The following TNXB variants were observed in gnomAD, a reference collection of about 807,000 sequenced individuals.
The protein encoded by TNXB is tenascin XB.
TNXB carries 183 observed loss-of-function variants against 340.5 expected under a neutral mutation model. The ratio of observed to expected loss-of-function variants is 0.54; its 90% CI spans 0.48 to 0.61. The LOEUF (loss-of-function observed/expected upper bound fraction) is 0.61. Among genes scored for constraint, TNXB ranks in the 20% least tolerant of loss-of-function variants. The pLI, the probability that TNXB is intolerant of heterozygous loss-of-function variation, is 0.00. For missense variants in TNXB, 4,613 were observed against 5,446.4 expected (o/e 0.85, Z 4.82); for synonymous variants, 2,121 against 2,314.5 (o/e 0.92, Z 2.40).
At position 32,080,052 on chromosome 6, in the gene TNXB, G is replaced by A. The variant is rs1366466121; in HGVS notation, c.4043-687C>T. The stretch of plus-strand genomic sequence containing the variant: ...GACTACTTTGGGATAGCAGATTGAG[G>A]AAAGAATTGGCAAGAATGACAACCC... On this transcript the variant is annotated intron_variant, in intron 10 of 43. Transcript: ENST00000644971. This position sits in a 1 kb window ranked among gnomAD's most constrained non-coding sequence, Gnocchi z 4.3. 6.6e-6 allele frequency among the ~76,000 whole-genome samples: 1 copy of A among 152,174 alleles called. No homozygotes were observed. The highest frequency in any genetic ancestry group is 1.9e-4 in the East Asian group (1 of 5,194).
chr6:32,048,418 G>C lies in TNXB; in HGVS notation c.9990C>G (p.Leu3330=). ...GGCGTTTCCCATTCTGGAGTCCAAA[G>C]AGCAGGAACTTGTACTTGCGGGCCG... ...LDPARKYKFL[L]FGLQNGKRHG... is the part of the protein sequence containing the mutation. Residue 3330 remains leucine (L), a synonymous_variant, in exon 29 of 44, where the codon CTC becomes CTG. Coordinates refer to ENST00000644971, the MANE Select transcript of TNXB (RefSeq NM_001365276.2). 1 of 1,555,770 alleles carries C rather than the reference G, an allele frequency of 6.4e-7. No homozygotes were observed. Among genetic ancestry groups the C allele is most frequent in the Non-Finnish European group, 8.7e-7 (1 of 1,146,192 alleles).
chr6:32,054,360 C>T (rs2746403), intron 24 of TNXB, among the ~76,000 whole-genome samples: 5 of 152,208 alleles, frequency 3.3e-5, no homozygotes, highest in African/African-American at 1.2e-4. Flanking sequence ...ACCTGGGCAA[C>T]CACATCCTCA....
chr6:32,101,281 C>CG (rs1780707674), intron 1 of TNXB, among the ~76,000 whole-genome samples: 1 of 151,870 alleles, frequency 6.6e-6, no homozygotes, highest in Non-Finnish European at 1.5e-5. Context: ...CAGGCATGCG[C>CG]CACATGCCCA....
In TNXB at chr6:32,087,887, A is replaced by G. The variant is rs1582457086; in HGVS notation, c.2779+898T>C. ...TCCTCCCTTTCCTCTGCTGGCCTCG[A>G]GGGCCAAGGGGGCCGTGGGGGCCGC... On this transcript the variant is annotated intron_variant, in intron 6 of 43. Coordinates refer to ENST00000644971, the MANE Select transcript of TNXB (RefSeq NM_001365276.2). This position sits in a 1 kb window ranked among gnomAD's most constrained non-coding sequence, Gnocchi z 9.0. 7 of 211,378 alleles carry G rather than the reference A, an allele frequency of 3.3e-5. No individual in the cohort carries two copies. Among genetic ancestry groups the G allele is most frequent in the South Asian group, 9.0e-5 (2 of 22,150 alleles). 13.1% of individuals were successfully genotyped at this position (211,378 alleles called of 1,614,324 possible). A position where few individuals can be genotyped will look rare whatever the true frequency, so the allele number is the denominator to read the frequency against.
rs759839720 is a variant in TNXB at position 32,049,527 on chromosome 6, G to A, written c.9500C>T (p.Pro3167Leu). 4 of 1,612,426 alleles carry A rather than the reference G, an allele frequency of 2.5e-6. No individual in the cohort carries two copies. The highest frequency in any genetic ancestry group is 2.7e-5 in the African/African-American group (2 of 74,892). Residue 3167 changes from proline (P) to leucine (L), a missense_variant, in exon 28 of 44, where the codon CCG (proline) becomes CTG (leucine). By Grantham distance (98) the Pro-to-Leu change is moderately conservative. This residue lies in a region of TNXB where 4,327 missense variants were observed against 4,859.4 expected (regional missense o/e 0.89). Transcript: ENST00000644971. The surrounding 1 kb of genome is among the most constrained non-coding windows in gnomAD (Gnocchi z 4.5). ...TGTCACTGTCAACTCCCCCAGGAGCGGCTCCTCAGGGGCCTCCGGGGCCTC... is the reference window on the plus strand; with the variant it reads ...TGTCACTGTCAACTCCCCCAGGAGCAGCTCCTCAGGGGCCTCCGGGGCCTC... ...STEAPEAPEE[P>L]LLGELTVTGS... is the part of the protein sequence containing the mutation.
At chr6:32,101,255 T>C (rs1330868961) in intron 1 of TNXB, among the ~76,000 whole-genome samples, 2 of 151,906 alleles carry the variant, frequency 1.3e-5, no homozygotes, top group African/African-American at 4.8e-5. Context: ...CCTCAGCCTC[T>C]GGAGTAGCTA....
At position 32,051,314 on chromosome 6, in the gene TNXB, C is replaced by A. The variant is rs1479095262; in HGVS notation, c.9116-993G>T. 6.6e-6 allele frequency among the ~76,000 whole-genome samples: 1 copy of A among 152,160 alleles called. No individual in the cohort carries two copies. Among genetic ancestry groups the A allele is most frequent in the Non-Finnish European group, 1.5e-5 (1 of 68,032 alleles). The stretch of plus-strand genomic sequence containing the variant: ...CAGCCTGTCCCCCATGACGTTAGCC[C>A]CATTAGGACAGGAACTTTTCCCATT... On this transcript the variant is annotated intron_variant, in intron 26 of 43. Coordinates refer to ENST00000644971, the MANE Select transcript of TNXB (RefSeq NM_001365276.2). This position sits in a 1 kb window ranked among gnomAD's most constrained non-coding sequence, Gnocchi z 4.7.
At position 32,080,174 on chromosome 6, in the gene TNXB, A is replaced by T. The variant is rs927026726; in HGVS notation, c.4043-809T>A. 6.6e-6 allele frequency among the ~76,000 whole-genome samples: 1 copy of T among 151,988 alleles called. No individual in the cohort carries two copies. Among genetic ancestry groups the T allele is most frequent in the African/African-American group, 2.4e-5 (1 of 41,368 alleles). The stretch of plus-strand genomic sequence containing the variant: ...CACTCTGAAAATGCTTTGCTGCTCC[A>T]AGCACTATTCTAAGTGTGTGGGCTT... On this transcript the variant is annotated intron_variant, in intron 10 of 43. Coordinates refer to ENST00000644971, the MANE Select transcript of TNXB (RefSeq NM_001365276.2). The surrounding 1 kb of genome is among the most constrained non-coding windows in gnomAD (Gnocchi z 4.3).
rs1778440765 is a variant in TNXB at position 32,067,454 on chromosome 6, T to G, written c.6544+207A>C. ...CCAGTGAATCACCTCCCAAGAGGCC[T>G]CAGTCCCTGGGGGCCTTTCCCATAT... On this transcript the variant is annotated intron_variant, in intron 18 of 43. Coordinates refer to ENST00000644971, the MANE Select transcript of TNXB (RefSeq NM_001365276.2). The surrounding 1 kb of genome is among the most constrained non-coding windows in gnomAD (Gnocchi z 4.2). Among the ~76,000 whole-genome samples the G allele has an allele frequency of 6.6e-6, 1 of 152,238 alleles. No individual in the cohort carries two copies. The highest frequency in any genetic ancestry group is 2.4e-5 in the African/African-American group (1 of 41,460).
rs1777620233 is a variant in TNXB, at chr6:32,056,095, C to T, written c.8223G>A (p.Glu2741=). Residue 2741 remains glutamate, a synonymous_variant, in exon 24 of 44, where the codon GAG becomes GAA. Transcript: ENST00000644971. ...PEPPEEPLLG[E]LTVTGSSPDS... ...CAGGGGAGGATCCTGTCACTGTCAG[C>T]TCCCCCAGGAGCGGCTCCTCAGGGG... 1 of 1,612,606 alleles carries T rather than the reference C, an allele frequency of 6.2e-7. No individual in the cohort carries two copies. Among genetic ancestry groups the T allele is most frequent in the African/African-American group, 1.3e-5 (1 of 74,898 alleles).
In TNXB at chr6:32,095,907, G is replaced by C. The variant is rs752877508; in HGVS notation, c.1946C>G (p.Thr649Ser). ...DPGYTGPTCA[T>S]RMCPADCRGR... ...CCGGCAGTCAGCCGGGCACATGCGG[G>C]TGGCACAGGTAGGGCCGGTGTAGCC... The change falls in exon 3 of 44, where the codon ACC becomes AGC. Residue 649 changes from threonine (T) to serine (S), a missense_variant. Coordinates refer to ENST00000644971, the MANE Select transcript of TNXB (RefSeq NM_001365276.2). 1.9e-6 allele frequency: 3 copies of C among 1,612,790 alleles called. No homozygotes were observed. Among genetic ancestry groups the C allele is most frequent in the Non-Finnish European group, 2.5e-6 (3 of 1,179,592 alleles).
Position 32,068,856 on chromosome 6 carries a change from C to T in TNXB, c.5868G>A (p.Lys1956=). 6.2e-7 allele frequency: 1 copy of T among 1,611,598 alleles called. No individual in the cohort carries two copies. The highest frequency in any genetic ancestry group is 8.5e-7 in the Non-Finnish European group (1 of 1,178,770). Residue 1956 remains lysine (K), a synonymous_variant, in exon 16 of 44, where the codon AAG becomes AAA. Coordinates refer to ENST00000644971, the MANE Select transcript of TNXB (RefSeq NM_001365276.2). This position sits in a 1 kb window ranked among gnomAD's most constrained non-coding sequence, Gnocchi z 5.3. Reference sequence around the variant, plus strand: ...CCTCGACATGGACAGGACCTACATGCTTCCCATCACTGAAACCATACAGGG... The same window carrying T: ...CCTCGACATGGACAGGACCTACATGTTTCCCATCACTGAAACCATACAGGG... The part of the protein sequence containing the change: ...LVTLYGFSDG[K]HVGPVHVEAL...
chr6:32,095,753 T>C lies in TNXB; in HGVS notation c.2100A>G (p.Ala700=). The C allele has an allele frequency of 1.2e-6, 2 of 1,613,708 alleles. No individual in the cohort carries two copies. The highest frequency in any genetic ancestry group is 1.7e-6 in the Non-Finnish European group (2 of 1,179,796). The change falls in exon 3 of 44, where the codon GCA becomes GCG. Residue 700 remains alanine (A), a synonymous_variant. Transcript: ENST00000644971. ...GGCGPRELCR[A]GQCVCVEGFR... ...AGCCCTCTACACACACACACTGGCC[T>C]GCCCGGCACAGTTCCCGGGGCCCGC...
At position 32,073,609 on chromosome 6, in the gene TNXB, G is replaced by GT. The variant is rs1241869222; in HGVS notation, c.4681+37dup. ...GGGCCATGGGGTGGGGGAGCTCTGG[G>GT]TAACCAGAGATGAGGACTGAGTCCC... On this transcript the variant is annotated intron_variant, in intron 12 of 43. Transcript: ENST00000644971. The surrounding 1 kb of genome is among the most constrained non-coding windows in gnomAD (Gnocchi z 4.6). The GT allele has an allele frequency of 6.4e-7, 1 of 1,565,326 alleles. No individual in the cohort carries two copies. The highest frequency in any genetic ancestry group is 8.7e-7 in the Non-Finnish European group (1 of 1,148,676).
rs944694191 is a variant in TNXB at position 32,096,306 on chromosome 6, G to C, written c.1547C>G (p.Pro516Arg). ...RCVDGRCVCN[P>R]GFTGEDCGSR... is the part of the protein sequence containing the mutation. ...CCCACAGTCCTCACCGGTGAAGCCC[G>C]GGTTGCACACGCAGCGGCCATCCAC... Residue 516 changes from proline (P) to arginine (R), a missense_variant, in exon 3 of 44, where the codon CCG (proline) becomes CGG (arginine). Around this residue, in one of 7 missense-constraint regions of TNXB, gnomAD observed 4,327 missense variants for 4,859.4 expected, o/e 0.89. Transcript: ENST00000644971. 11 of 1,551,586 alleles carry C rather than the reference G, an allele frequency of 7.1e-6. No homozygotes were observed. Among genetic ancestry groups the C allele is most frequent in the Middle Eastern group, 3.3e-4 (2 of 6,018 alleles).
rs761054377 is a variant in TNXB at position 32,096,135 on chromosome 6, C to T, written c.1718G>A (p.Arg573Gln). Residue 573 changes from arginine to glutamine, a missense_variant, in exon 3 of 44, where the codon CGG becomes CAG. Transcript: ENST00000644971. ...CRGRGQCLDG[R>Q]CVCEDGYSGE... ...AGAGTAGCCGTCCTCGCACACACAC[C>T]GCCCATCTAGGCACTGGCCGCGGCC... 3 of 1,599,346 alleles carry T rather than the reference C, an allele frequency of 1.9e-6. No individual in the cohort carries two copies. Among genetic ancestry groups the T allele is most frequent in the African/African-American group, 1.3e-5 (1 of 74,662 alleles).
At chr6:32,054,369 C>T (rs1364301467) in intron 24 of TNXB, among the ~76,000 whole-genome samples, 3 of 152,244 alleles carry the variant, frequency 2.0e-5, no homozygotes, top group Non-Finnish European at 2.9e-5. Flanking sequence ...ACCACATCCT[C>T]ATCCCTGGGA....
Position 32,062,162 on chromosome 6 carries a change from A to C in TNXB, c.7163T>G (p.Val2388Gly). ...QRVGPVSAIG[V>G]TAAEEETPSP... is the part of the protein sequence containing the mutation. ...GGCTCCCATCGTCCACTCACCTGTC[A>C]CCCCGATGGCAGACACGGGGCCCAC... Residue 2388 changes from valine (V) to glycine (G), a missense_variant, in exon 20 of 44, where the codon GTG becomes GGG. Coordinates refer to ENST00000644971, the MANE Select transcript of TNXB (RefSeq NM_001365276.2). This position sits in a 1 kb window ranked among gnomAD's most constrained non-coding sequence, Gnocchi z 4.3. 1 of 1,609,882 alleles carries C rather than the reference A, an allele frequency of 6.2e-7. No individual in the cohort carries two copies. Among genetic ancestry groups the C allele is most frequent in the Non-Finnish European group, 8.5e-7 (1 of 1,177,530 alleles).
chr6:32,071,944 G>T, intron 13 of TNXB, 46 bp downstream of exon 13: 1 of 1,495,672 alleles, frequency 6.7e-7, no homozygotes, highest in East Asian at 2.3e-5. Context: ...AGAGAAGGGT[G>T]GGAAGGCTGT....
Sources: allele counts gnomAD v4.1 joint callset (sites outside exome capture counted in the v4.1 genomes callset), GRCh38; gene constraint gnomAD v4.1.1; regional missense constraint gnomAD v4.1.1; non-coding constraint Gnocchi (gnomAD v3.1); transcripts MANE v1.5; gene names NCBI Gene and HGNC (gene_info 2026-07-23, HGNC 2026-07-21).